PKP4: variants seen among roughly 807,000 people sequenced by gnomAD.
PKP4 encodes plakophilin-4.
PKP4 carries 90 observed loss-of-function variants against 145.1 expected under a neutral mutation model. That is an observed-to-expected ratio of 0.62 (90% CI 0.52 to 0.74). The LOEUF (loss-of-function observed/expected upper bound fraction) is 0.74. Ranked by LOEUF, PKP4 falls within the 30% of genes least tolerant of loss-of-function variation. PKP4 has a pLI of 0.00. For missense variants in PKP4, 1,340 were observed against 1,482.7 expected, an observed-to-expected ratio of 0.90 and a Z score of 1.58; for synonymous variants, 563 against 577.2, an observed-to-expected ratio of 0.98 and a Z score of 0.35.
intron 9 of PKP4, among the ~76,000 whole-genome samples, chr2:158,635,605 A>G (rs2053741875): frequency 6.6e-6 from 1 of 152,142 alleles, no homozygotes; most frequent in Admixed American, 6.5e-5. Context: ...TGAGTTTAAT[A>G]TGTGTCCCTG....
At chr2:158,500,031 A>G (rs1231497500) in intron 1 of PKP4, among the ~76,000 whole-genome samples, 1 of 152,254 alleles carries the variant, frequency 6.6e-6, no homozygotes, top group African/African-American at 2.4e-5. Flanking sequence ...AGCAGCCATG[A>G]AAGTCATCCT....
intron 3 of PKP4, among the ~76,000 whole-genome samples, chr2:158,589,952 C>T (rs1412546488): frequency 6.6e-6 from 1 of 152,080 alleles, no homozygotes; most frequent in Admixed American, 6.6e-5. Context: ...AGTTAATCAG[C>T]TTGTCGTAAA....
chr2:158,651,606 A>G (rs1057014553), intron 11 of PKP4, among the ~76,000 whole-genome samples: 2 of 151,808 alleles, frequency 1.3e-5, no homozygotes, highest in African/African-American at 2.4e-5. Flanking sequence ...CTGCACCCCA[A>G]ACCTGCTTCT....
At chr2:158,531,743 G>A (rs1444480543) in intron 1 of PKP4, among the ~76,000 whole-genome samples, 1 of 152,156 alleles carries the variant, frequency 6.6e-6, no homozygotes, top group Non-Finnish European at 1.5e-5. Context: ...CTCATCTCAT[G>A]TCTCAGGATC....
At chr2:158,512,230 G>A (rs2041581424) in intron 1 of PKP4, among the ~76,000 whole-genome samples, 1 of 152,142 alleles carries the variant, frequency 6.6e-6, no homozygotes, top group South Asian at 2.1e-4. Flanking sequence ...TCTTGGATTT[G>A]AAATTGCACT....
chr2:158,562,878 A>C (rs578238938), intron 2 of PKP4, among the ~76,000 whole-genome samples: 135 of 152,302 alleles, frequency 8.9e-4, no homozygotes, highest in Non-Finnish European at 1.4e-3. Context: ...TATTTATATA[A>C]AATTTTTAAG....
intron 6 of PKP4, among the ~76,000 whole-genome samples, chr2:158,623,981 A>G (rs919814186): frequency 8.5e-5 from 13 of 152,210 alleles, no homozygotes; most frequent in African/African-American, 2.9e-4. Flanking sequence ...CTGTAACTGC[A>G]GGAATCAACA....
intron 1 of PKP4, among the ~76,000 whole-genome samples, chr2:158,512,609 A>G (rs2041612382): frequency 6.6e-6 from 1 of 152,270 alleles, no homozygotes; most frequent in Non-Finnish European, 1.5e-5. Context: ...TAAAGTGACT[A>G]ATAGATGTAT....
At chr2:158,475,658 A>G (rs1476018962) in intron 1 of PKP4, among the ~76,000 whole-genome samples, 3 of 152,214 alleles carry the variant, frequency 2.0e-5, no homozygotes, top group Non-Finnish European at 4.4e-5. Flanking sequence ...TCAGTAGCTC[A>G]GCATCTTCAC....
chr2:158,574,276 A>G (rs1468818279), intron 2 of PKP4, among the ~76,000 whole-genome samples: 1 of 152,144 alleles, frequency 6.6e-6, no homozygotes, highest in Non-Finnish European at 1.5e-5. Context: ...TTTAACATTA[A>G]CTTTTTTCTT....
chr2:158,628,246 T>C (rs1182992992), intron 7 of PKP4, among the ~76,000 whole-genome samples: 1 of 152,182 alleles, frequency 6.6e-6, no homozygotes, highest in Non-Finnish European at 1.5e-5. Flanking sequence ...CCCAAAGTGC[T>C]GGGATTACGG....
At chr2:158,500,094 A>G (rs1484739680) in intron 1 of PKP4, among the ~76,000 whole-genome samples, 2 of 152,198 alleles carry the variant, frequency 1.3e-5, no homozygotes, top group African/African-American at 2.4e-5. Flanking sequence ...AATTTAGTGT[A>G]TTTTACATTC....
intron 11 of PKP4, among the ~76,000 whole-genome samples, chr2:158,654,270 G>A (rs757520329): frequency 6.6e-6 from 1 of 152,154 alleles, no homozygotes; most frequent in Non-Finnish European, 1.5e-5. Flanking sequence ...CTGCCTTTTG[G>A]TGGGTCCCTT....
chr2:158,591,630 T>G (rs2049283916), intron 3 of PKP4, among the ~76,000 whole-genome samples: 1 of 152,086 alleles, frequency 6.6e-6, no homozygotes, highest in East Asian at 1.9e-4. Flanking sequence ...AATTGCATTT[T>G]AAAAATTAAC....
intron 13 of PKP4, chr2:158,662,095 G>T (rs1187580568): frequency 6.6e-6 from 1 of 152,612 alleles, no homozygotes; most frequent in Non-Finnish European, 1.5e-5. Context: ...TCCAAAGCGG[G>T]CCAGTTACTT....
At chr2:158,457,476 C>T (rs938560874) in intron 1 of PKP4, 2 of 152,436 alleles carry the variant, frequency 1.3e-5, no homozygotes, top group African/African-American at 4.8e-5. Context: ...GGCGATTCCT[C>T]TCCCCGGTCT....
At chr2:158,580,154 T>C (rs2048212798) in intron 3 of PKP4, among the ~76,000 whole-genome samples, 1 of 152,232 alleles carries the variant, frequency 6.6e-6, no homozygotes, top group African/African-American at 2.4e-5. Context: ...GTTCTGGACT[T>C]GTGAATTTTA....
intron 1 of PKP4, among the ~76,000 whole-genome samples, chr2:158,477,571 C>T (rs1692678711): frequency 6.6e-6 from 1 of 152,102 alleles, no homozygotes; most frequent in Non-Finnish European, 1.5e-5. Flanking sequence ...GGATAGACCC[C>T]GTAAAGAAGA....
Position 158,528,685 on chromosome 2 carries a change from A to G in PKP4, c.-5-4495A>G, listed in dbSNP as rs113658182. Among the ~76,000 whole-genome samples the G allele has an allele frequency of 5.0e-3, 748 of 148,232 alleles. 8 individuals are homozygous for G. Among genetic ancestry groups the G allele is most frequent in the African/African-American group, 0.018 (709 of 39,498 alleles). On this transcript the variant is annotated intron_variant, in intron 1 of 21. Transcript: ENST00000389759. ...TTACTAAATGAAAAAAAAAAAAAAA[A>G]AGAGACCTGGGCAAAGAAAACATTC...
Sources: allele counts gnomAD v4.1 joint callset (sites outside exome capture counted in the v4.1 genomes callset), GRCh38; gene constraint gnomAD v4.1.1; transcripts MANE v1.5; gene names NCBI Gene and HGNC (gene_info 2026-07-23, HGNC 2026-07-21).